Variants in PGAP4 observed in about 807,000 individuals in gnomAD.
PGAP4 encodes post-GPI attachment to proteins GalNAc transferase 4.
PGAP4 carries 12 observed loss-of-function variants against 28.2 expected under a neutral mutation model. That is an observed-to-expected ratio of 0.42 (90% CI 0.27 to 0.69). The LOEUF (loss-of-function observed/expected upper bound fraction) is 0.69. Among genes scored for constraint, PGAP4 ranks in the 30% least tolerant of loss-of-function variants. The pLI is 0.22. For synonymous variants in PGAP4, 205 were observed against 211.8 expected, an observed-to-expected ratio of 0.97 and a Z score of 0.28; for missense variants, 425 against 513.5, an observed-to-expected ratio of 0.83 and a Z score of 1.67.
chr9:101,511,901 T>C (rs1826901608), intron 2 of PGAP4, among the ~76,000 whole-genome samples: 1 of 152,146 alleles, frequency 6.6e-6, no homozygotes, highest in East Asian at 1.9e-4. Flanking sequence ...TCCTGGTGCA[T>C]GCTCTCAAAA....
At chr9:101,490,277 C>T (rs1421777298), upstream of PGAP4, among the ~76,000 whole-genome samples, 2 of 152,220 alleles carry the variant, frequency 1.3e-5, no homozygotes, top group South Asian at 2.1e-4. Flanking sequence ...GCAACCTTCA[C>T]TTCCCAAGTT....
At chr9:101,520,460 T>C (rs1490682644) in intron 2 of PGAP4, among the ~76,000 whole-genome samples, 4 of 152,196 alleles carry the variant, frequency 2.6e-5, no homozygotes, top group Admixed American at 2.6e-4. Flanking sequence ...TATTTTATTT[T>C]ATTTTTATTT....
At chr9:101,522,142 G>C (rs558866594) in intron 2 of PGAP4, among the ~76,000 whole-genome samples, 1 of 152,184 alleles carries the variant, frequency 6.6e-6, no homozygotes, top group South Asian at 2.1e-4. Flanking sequence ...CATATAGTCT[G>C]TCTTGGAGAA....
intron 2 of PGAP4, among the ~76,000 whole-genome samples, chr9:101,495,535 A>G (rs1320928492): frequency 6.9e-6 from 1 of 144,386 alleles, no homozygotes; most frequent in African/African-American, 2.5e-5. Context: ...AGTCAGAAAG[A>G]CCTAATTTAG....
In PGAP4 at chr9:101,477,040, A is replaced by T. The variant is rs764433720; in HGVS notation, c.53T>A (p.Leu18His). ...AAMLLRRLRR[L>H]SWGSTAVQLF... Reference sequence around the variant, plus strand: ...CTGGACAGCAGTGCTGCCCCAGGAGAGTCGCCGCAGCCTCCGGAGGAGCAT... The same window carrying T: ...CTGGACAGCAGTGCTGCCCCAGGAGTGTCGCCGCAGCCTCCGGAGGAGCAT... Residue 18 changes from leucine (L) to histidine (H), a missense_variant, in exon 2 of 2, where the codon CTC (leucine) becomes CAC (histidine). Transcript: ENST00000374848. 6.2e-7 allele frequency: 1 copy of T among 1,610,706 alleles called. No individual in the cohort carries two copies. The highest frequency in any genetic ancestry group is 1.3e-5 in the African/African-American group (1 of 74,846).
At position 101,482,943 on chromosome 9, in the gene PGAP4, C is replaced by A. The variant is rs142625164; in HGVS notation, c.-78+4006G>T. On this transcript the variant is annotated intron_variant, in intron 1 of 1. Coordinates refer to ENST00000374848, the MANE Select transcript of PGAP4 (RefSeq NM_032342.3). ...ATTTCTTCTGAACAAAATAGCAACT[C>A]TCAAAATAGCAATGGAATTAATCCC... is the stretch of plus-strand genomic sequence containing the variant. 8.7e-4 allele frequency among the ~76,000 whole-genome samples: 132 copies of A among 152,278 alleles called. 1 individual carries two copies. Among genetic ancestry groups the A allele is most frequent in the African/African-American group, 2.8e-3 (115 of 41,534 alleles).
At chr9:101,481,266 G>T (rs1373168449) in intron 1 of PGAP4, 2 of 152,184 alleles carry the variant, frequency 1.3e-5, no homozygotes, top group Non-Finnish European at 2.9e-5. Context: ...ATTTTTCACT[G>T]CTAGTTTGGG....
rs370528401 is a variant in PGAP4, at chr9:101,483,964, C to T, written c.-78+2985G>A. Among the ~76,000 whole-genome samples, 143 of 152,202 alleles carry T rather than the reference C, an allele frequency of 9.4e-4. 1 individual carries two copies. The Middle Eastern group carries it at 0.031, about 33-fold the overall frequency. ...TTTAACATCTGAATTTAATTTACTT[C>T]GAGGGAGTGTCACAGTTCAACAACT... On this transcript the variant is annotated intron_variant, in intron 1 of 1. Transcript: ENST00000374848.
At chr9:101,488,621 A>G (rs1279662912), upstream of PGAP4, among the ~76,000 whole-genome samples, 1 of 152,244 alleles carries the variant, frequency 6.6e-6, no homozygotes, top group Non-Finnish European at 1.5e-5. Flanking sequence ...CACTTGTTTA[A>G]CAAAAATTCA....
At chr9:101,495,453 A>ATATGCTTATATTT (rs1826737763) in intron 2 of PGAP4, among the ~76,000 whole-genome samples, 1 of 135,244 alleles carries the variant, frequency 7.4e-6, no homozygotes, top group Non-Finnish European at 1.6e-5. Context: ...TATATATTAT[A>ATATGCTTATATTT]TATACTTATA....
intron 2 of PGAP4, among the ~76,000 whole-genome samples, chr9:101,503,061 C>A (rs1157170282): frequency 6.6e-6 from 1 of 151,950 alleles, no homozygotes; most frequent in Non-Finnish European, 1.5e-5. Context: ...GCAGTGTGCC[C>A]AAATGAAAAA....
At chr9:101,478,123 T>C (rs867485045) in intron 1 of PGAP4, among the ~76,000 whole-genome samples, 1 of 152,226 alleles carries the variant, frequency 6.6e-6, no homozygotes, top group African/African-American at 2.4e-5. Context: ...GAAATAATAA[T>C]ATCTGTCTCA....
At position 101,477,165 on chromosome 9, in the gene PGAP4, C is replaced by G; in HGVS notation, c.-73G>C. 1 of 1,478,544 alleles carries G rather than the reference C, an allele frequency of 6.8e-7. No homozygotes were observed. The highest frequency in any genetic ancestry group is 9.0e-7 in the Non-Finnish European group (1 of 1,116,536). 91.6% of individuals were successfully genotyped at this position (1,478,544 alleles called of 1,614,324 possible). A position where few individuals can be genotyped will look rare whatever the true frequency, so the allele number is the denominator to read the frequency against. The stretch of plus-strand genomic sequence containing the variant: ...AACTCAGGCCAGAGTCATCAGAAAT[C>G]AAACCTAAAGAGAGAGGAAGTAGGG... On this transcript the variant is annotated 5_prime_UTR_variant, in exon 2 of 2. Coordinates refer to ENST00000374848, the MANE Select transcript of PGAP4 (RefSeq NM_032342.3).
intron 2 of PGAP4, among the ~76,000 whole-genome samples, chr9:101,496,947 TA>T (rs891262794): frequency 1.3e-5 from 2 of 150,784 alleles, no homozygotes; most frequent in Admixed American, 1.3e-4. Flanking sequence ...TTTTTAATAT[TA>T]AAAACTATTT....
intron 2 of PGAP4, among the ~76,000 whole-genome samples, chr9:101,496,782 A>AT (rs1431905681): frequency 6.6e-6 from 1 of 150,774 alleles, no homozygotes; most frequent in Non-Finnish European, 1.5e-5. Context: ...TTTAGCTGTT[A>AT]TTTTTACCAA....
At chr9:101,519,210 T>C (rs1448753916) in intron 2 of PGAP4, among the ~76,000 whole-genome samples, 1 of 152,142 alleles carries the variant, frequency 6.6e-6, no homozygotes, top group Non-Finnish European at 1.5e-5. Context: ...CAGGCTGGAG[T>C]GCAATGGTGC....
At chr9:101,484,592 T>C (rs1826570409) in intron 1 of PGAP4, among the ~76,000 whole-genome samples, 1 of 152,100 alleles carries the variant, frequency 6.6e-6, no homozygotes, top group Non-Finnish European at 1.5e-5. Context: ...TGCATGTTCT[T>C]TATTAGTGTC....
At chr9:101,492,199 A>AT (rs909305342) in intron 2 of PGAP4, among the ~76,000 whole-genome samples, 65 of 146,812 alleles carry the variant, frequency 4.4e-4, no homozygotes, top group East Asian at 1.6e-3. Context: ...TCTGGCAGTA[A>AT]TTTTTTTTTT....
rs1403571580 is a variant in PGAP4, at chr9:101,486,385, G to A, written c.-78+564C>T. On this transcript the variant is annotated intron_variant, in intron 1 of 1. Transcript: ENST00000374848. The surrounding 1 kb of genome is among the most constrained non-coding windows in gnomAD (Gnocchi z 4.7). ...TGGGAGGGACGCCTTCCTCTGCCCAGTCGCCCTCCCCCAGCCCTTGGCTGC... is the reference window on the plus strand; with the variant it reads ...TGGGAGGGACGCCTTCCTCTGCCCAATCGCCCTCCCCCAGCCCTTGGCTGC... Among the ~76,000 whole-genome samples the A allele has an allele frequency of 6.6e-6, 1 of 152,138 alleles. No individual in the cohort carries two copies. The highest frequency in any genetic ancestry group is 6.5e-5 in the Admixed American group (1 of 15,288).
Sources: gnomAD v4.1 joint callset for allele counts (sites outside exome capture counted in the v4.1 genomes callset) on GRCh38, gnomAD v4.1.1 for gene constraint, Gnocchi (gnomAD v3.1) non-coding constraint, MANE v1.5 for transcripts, NCBI Gene and HGNC (gene_info 2026-07-23, HGNC 2026-07-21) for gene names.